DYNC1I1: variants seen among roughly 807,000 people sequenced by gnomAD.
DYNC1I1 encodes the protein cytoplasmic dynein 1 intermediate chain 1.
A neutral mutation model predicts 86.6 loss-of-function variants in DYNC1I1; 43 were observed. That is an observed-to-expected ratio of 0.50 (90% confidence interval 0.39 to 0.64). DYNC1I1 has a LOEUF of 0.64. Among genes scored for constraint, DYNC1I1 ranks in the 30% least tolerant of loss-of-function variants. DYNC1I1 has a pLI of 0.00. For synonymous variants in DYNC1I1, 262 were observed against 283.7 expected (o/e 0.92, Z 0.77); for missense variants, 604 against 788.8 (o/e 0.77, Z 2.81).
chr7:95,879,446 T>C (rs1790393789), intron 6 of DYNC1I1, among the ~76,000 whole-genome samples: 1 of 152,134 alleles, frequency 6.6e-6, no homozygotes, highest in Non-Finnish European at 1.5e-5. Context: ...AAAAAGAGTC[T>C]TATATTTTGG....
intron 2 of DYNC1I1, among the ~76,000 whole-genome samples, chr7:95,809,889 G>A (rs559650888): frequency 1.3e-5 from 2 of 152,040 alleles, no homozygotes; most frequent in African/African-American, 4.8e-5. Flanking sequence ...TTAAACCATG[G>A]CAAACTTGTC....
intron 14 of DYNC1I1, among the ~76,000 whole-genome samples, chr7:96,061,708 T>G (rs1191895915): frequency 1.6e-5 from 2 of 127,708 alleles, no homozygotes; most frequent in East Asian, 2.5e-4. Flanking sequence ...TCTCTCTCTC[T>G]CTCTCACACA....
At chr7:95,940,626 C>G (rs539158432) in intron 6 of DYNC1I1, among the ~76,000 whole-genome samples, 24 of 152,332 alleles carry the variant, frequency 1.6e-4, no homozygotes, top group Non-Finnish European at 3.1e-4. Context: ...ACATAGTTCT[C>G]GAACCTTGAC....
intron 15 of DYNC1I1, among the ~76,000 whole-genome samples, chr7:96,079,655 C>G (rs1212556209): frequency 6.6e-6 from 1 of 152,054 alleles, no homozygotes; most frequent in Non-Finnish European, 1.5e-5. Context: ...AAGGCATTTT[C>G]TATGAGTGGG....
chr7:95,874,172 T>G (rs1790244055), intron 6 of DYNC1I1, among the ~76,000 whole-genome samples: 2 of 152,224 alleles, frequency 1.3e-5, no homozygotes, highest in African/African-American at 2.4e-5. Context: ...AACGGACACT[T>G]CATTAAAGAT....
intron 14 of DYNC1I1, among the ~76,000 whole-genome samples, chr7:96,043,706 A>G (rs977453873): frequency 2.6e-5 from 4 of 151,870 alleles, no homozygotes; most frequent in Non-Finnish European, 2.9e-5. Context: ...ATGCAGTACT[A>G]TTTTTAGTAA....
At chr7:95,954,010 C>T (rs1257416355) in intron 6 of DYNC1I1, among the ~76,000 whole-genome samples, 1 of 152,020 alleles carries the variant, frequency 6.6e-6, no homozygotes, top group Admixed American at 6.6e-5. Context: ...GGTTCCCATG[C>T]TCTCCGGTCG....
At chr7:96,047,015 C>G (rs1468597539) in intron 14 of DYNC1I1, among the ~76,000 whole-genome samples, 4 of 152,146 alleles carry the variant, frequency 2.6e-5, no homozygotes, top group Non-Finnish European at 5.9e-5. Context: ...CTTTATTGCT[C>G]ACAGTTCTGG....
intron 6 of DYNC1I1, among the ~76,000 whole-genome samples, chr7:95,949,247 A>G (rs1313505581): frequency 2.0e-5 from 3 of 152,230 alleles, no homozygotes. Context: ...GCTTAGTCAT[A>G]AAATGTAGCT....
chr7:96,026,889 C>T, intron 10 of DYNC1I1, among the ~76,000 whole-genome samples: 1 of 152,126 alleles, frequency 6.6e-6, no homozygotes, highest in African/African-American at 2.4e-5. Context: ...GAGACACACC[C>T]ACACACTCCA....
chr7:96,028,313 G>A lies in DYNC1I1; in HGVS notation c.1108G>A (p.Ala370Thr). Reference protein sequence around the residue: ...PVQRTPLSAAAHTHPVYCVNV... With the variant: ...PVQRTPLSAATHTHPVYCVNV... ...GCAGCGGACACCCTTATCAGCTGCT[G>A]CACACACGGTAATGCAAACTTTTGC... Residue 370 changes from alanine to threonine, a missense_variant, in exon 11 of 17, where the codon GCA becomes ACA. By Grantham distance (58) the Ala-to-Thr change is moderately conservative (BLOSUM62 0). Coordinates refer to ENST00000447467, the MANE Select transcript of DYNC1I1 (RefSeq NM_001135556.2). The A allele has an allele frequency of 6.2e-7, 1 of 1,608,070 alleles. No homozygotes were observed. The highest frequency in any genetic ancestry group is 8.5e-7 in the Non-Finnish European group (1 of 1,175,270).
At chr7:96,092,846 A>T (rs1790887923) in intron 16 of DYNC1I1, among the ~76,000 whole-genome samples, 1 of 152,196 alleles carries the variant, frequency 6.6e-6, no homozygotes, top group Non-Finnish European at 1.5e-5. Context: ...TAGAAGATTT[A>T]AAACAATCTT....
rs763626464 is a variant in DYNC1I1 at position 96,080,409 on chromosome 7, G to A, written c.1697G>A (p.Arg566His). Residue 566 changes from arginine to histidine, a missense_variant, in exon 16 of 17, where the codon CGT (arginine) becomes CAT (histidine). Coordinates refer to ENST00000447467, the MANE Select transcript of DYNC1I1 (RefSeq NM_001135556.2). ...ATTGAGGGGGCATCCGCCCTAAACC[G>A]TGTTCGTTGGGCCCAAGCTGGCAAA... ...VAIEGASALN[R>H]VRWAQAGKEV... is the part of the protein sequence containing the mutation. The A allele has an allele frequency of 5.0e-6, 8 of 1,613,932 alleles. No homozygotes were observed. Among genetic ancestry groups the A allele is most frequent in the African/African-American group, 2.7e-5 (2 of 74,934 alleles).
At chr7:95,984,419 C>A (rs193119121) in intron 7 of DYNC1I1, among the ~76,000 whole-genome samples, 260 of 151,854 alleles carry the variant, frequency 1.7e-3, no homozygotes, top group Non-Finnish European at 3.2e-3. Flanking sequence ...TTAATATTGC[C>A]AGCTTGACAA....
intron 9 of DYNC1I1, among the ~76,000 whole-genome samples, chr7:95,989,939 T>C (rs1400815198): frequency 2.0e-5 from 3 of 152,100 alleles, no homozygotes; most frequent in Non-Finnish European, 4.4e-5. Context: ...TGCAATCGAA[T>C]GATATTAAGA....
chr7:95,984,847 C>T lies in DYNC1I1; in HGVS notation c.613C>T (p.Gln205Ter), dbSNP rs755089840. 1 of 1,611,370 alleles carries T rather than the reference C, an allele frequency of 6.2e-7. No individual in the cohort carries two copies. The highest frequency in any genetic ancestry group is 1.1e-5 in the South Asian group (1 of 90,308). Residue 205 changes from glutamine (Q) to a stop codon, truncating the protein, a stop_gained, in exon 8 of 17, where the codon CAG becomes TAG. Coordinates refer to ENST00000447467, the MANE Select transcript of DYNC1I1 (RefSeq NM_001135556.2). LOFTEE classifies it high-confidence loss of function. ...PPRELTEEEKQQILHSEEFLI... is the reference protein window; with the variant it reads ...PPRELTEEEK ...AAGAGAGTTGACAGAGGAAGAAAAA[C>T]AGCAGATCCTTCATTCAGAGGAATT... is the stretch of plus-strand genomic sequence containing the variant.
intron 6 of DYNC1I1, among the ~76,000 whole-genome samples, chr7:95,955,514 AG>A (rs1792687504): frequency 6.6e-6 from 1 of 152,102 alleles, no homozygotes. Context: ...TTTTAGAGAC[AG>A]GGTCTCGCTG....
intron 11 of DYNC1I1, among the ~76,000 whole-genome samples, chr7:96,031,253 G>C (rs1273547604): frequency 6.6e-6 from 1 of 152,122 alleles, no homozygotes; most frequent in Non-Finnish European, 1.5e-5. Flanking sequence ...TTTCAAAAGA[G>C]ATTCACCAGG....
chr7:96,054,809 T>G (rs1649562447), intron 14 of DYNC1I1, among the ~76,000 whole-genome samples: 1 of 152,198 alleles, frequency 6.6e-6, no homozygotes, highest in Non-Finnish European at 1.5e-5. Flanking sequence ...CACTTTTTGA[T>G]GGGGTTGTTT....
Sources: gnomAD v4.1 joint callset for allele counts (sites outside exome capture counted in the v4.1 genomes callset) on GRCh38, gnomAD v4.1.1 for gene constraint, MANE v1.5 for transcripts, NCBI Gene and HGNC (gene_info 2026-07-23, HGNC 2026-07-21) for gene names.